PABPC4L: variants seen among roughly 807,000 people sequenced by gnomAD.
PABPC4L encodes the protein polyadenylate-binding protein 4-like.
For synonymous variants in PABPC4L, 169 were observed against 164.1 expected, an observed-to-expected ratio of 1.03 and a Z score of -0.23; for missense variants, 452 against 451.4, an observed-to-expected ratio of 1.00 and a Z score of -0.01.
chr4:134,097,915 T>A, the PABPC4L span, among the ~76,000 whole-genome samples: 2 of 151,884 alleles, frequency 1.3e-5, no homozygotes, highest in Non-Finnish European at 2.9e-5. Context: ...TGCGGTTTTG[T>A]CATTAGAAAT....
the PABPC4L span, among the ~76,000 whole-genome samples, chr4:134,004,420 G>T: frequency 1.3e-5 from 2 of 151,856 alleles, no homozygotes; most frequent in East Asian, 3.9e-4. Context: ...TCAGGGAAAT[G>T]CATATTAAAA....
the PABPC4L span, among the ~76,000 whole-genome samples, chr4:133,993,605 G>A: frequency 6.6e-6 from 1 of 152,170 alleles, no homozygotes; most frequent in Non-Finnish European, 1.5e-5. Context: ...GTTAATACCT[G>A]TTGAAGGAGG....
the PABPC4L span, among the ~76,000 whole-genome samples, chr4:133,995,234 TC>T: frequency 6.6e-6 from 1 of 152,314 alleles, no homozygotes; most frequent in African/African-American, 2.4e-5. Context: ...GGGGTTCTTT[TC>T]CCACGTTACC....
the PABPC4L span, among the ~76,000 whole-genome samples, chr4:134,041,566 G>A: frequency 1.3e-5 from 2 of 151,962 alleles, no homozygotes; most frequent in Non-Finnish European, 2.9e-5. Flanking sequence ...ATCACACACT[G>A]GGGCCTGTCA....
At chr4:133,977,849 A>G in the PABPC4L span, 2 of 152,196 alleles carry the variant, frequency 1.3e-5, no homozygotes, top group Non-Finnish European at 2.9e-5. Context: ...ATTCCCAGGT[A>G]CATGGTATGG....
the PABPC4L span, among the ~76,000 whole-genome samples, chr4:134,108,621 T>G: frequency 4.0e-5 from 6 of 151,856 alleles, no homozygotes; most frequent in African/African-American, 1.2e-4. Context: ...TCTTGAATCT[T>G]GATTTTTACA....
chr4:134,057,179 CCTCT>C, the PABPC4L span, among the ~76,000 whole-genome samples: 1 of 152,008 alleles, frequency 6.6e-6, no homozygotes, highest in South Asian at 2.1e-4. Flanking sequence ...TTCTCCTCTC[CCTCT>C]GTGACTCCAG....
the PABPC4L span, among the ~76,000 whole-genome samples, chr4:134,165,357 T>C: frequency 6.6e-6 from 1 of 151,972 alleles, no homozygotes; most frequent in African/African-American, 2.4e-5. Flanking sequence ...ACCCACAGAA[T>C]GGGAGAAAAT....
At chr4:134,111,343 T>C in the PABPC4L span, among the ~76,000 whole-genome samples, 1 of 152,012 alleles carries the variant, frequency 6.6e-6, no homozygotes, top group Non-Finnish European at 1.5e-5. Context: ...ATTTTTCAAA[T>C]GAATTTTGGA....
At chr4:134,124,456 C>G in the PABPC4L span, among the ~76,000 whole-genome samples, 1 of 152,100 alleles carries the variant, frequency 6.6e-6, no homozygotes, top group African/African-American at 2.4e-5. Flanking sequence ...TAACACTTCT[C>G]TTTTCATAAA....
In PABPC4L at chr4:134,200,512, C is replaced by A; in HGVS notation, c.508G>T (p.Gly170Cys). The A allele has an allele frequency of 1.3e-6, 2 of 1,551,592 alleles. No individual in the cohort carries two copies. The highest frequency in any genetic ancestry group is 1.7e-6 in the Non-Finnish European group (2 of 1,146,984). The change falls in exon 2 of 2, where the codon GGC becomes TGC. Residue 170 changes from glycine (G) to cysteine (C), a missense_variant. Transcript: ENST00000421491. Reference protein sequence around the residue: ...KLLKGCKVFVGRFKNRKDREA... With the variant: ...KLLKGCKVFVCRFKNRKDREA... ...CGATCTTTTCGGTTTTTGAATCTGC[C>A]AACAAACACCTTGCAGCCCTTGAGT...
chr4:134,154,359 G>T, the PABPC4L span, among the ~76,000 whole-genome samples: 1 of 152,076 alleles, frequency 6.6e-6, no homozygotes, highest in African/African-American at 2.4e-5. Context: ...GGGAGGCTGA[G>T]GCACGAGAAT....
chr4:134,180,277 T>G, the PABPC4L span, among the ~76,000 whole-genome samples: 1 of 152,166 alleles, frequency 6.6e-6, no homozygotes, highest in Non-Finnish European at 1.5e-5. Flanking sequence ...AAAACTTGGC[T>G]TTTGAATGAC....
chr4:134,176,044 G>A, the PABPC4L span, among the ~76,000 whole-genome samples: 1 of 152,126 alleles, frequency 6.6e-6, no homozygotes, highest in African/African-American at 2.4e-5. Context: ...TATACATAAT[G>A]AATGGTGACC....
chr4:134,092,828 G>T, the PABPC4L span, among the ~76,000 whole-genome samples: 21 of 152,040 alleles, frequency 1.4e-4, 1 homozygote, highest in East Asian at 1.6e-3. Flanking sequence ...GAACACTCCC[G>T]CCTCATTTGG....
the PABPC4L span, among the ~76,000 whole-genome samples, chr4:134,144,602 A>G: frequency 6.7e-6 from 1 of 150,264 alleles, no homozygotes; most frequent in Non-Finnish European, 1.5e-5. Flanking sequence ...AAAACAGTTC[A>G]GTCTTTTTAT....
At chr4:134,135,070 G>T in the PABPC4L span, among the ~76,000 whole-genome samples, 1 of 152,146 alleles carries the variant, frequency 6.6e-6, no homozygotes, top group African/African-American at 2.4e-5. Context: ...TAAAATGTTT[G>T]CAAAAAGGGA....
rs1578882947 is a variant in PABPC4L, at chr4:134,198,414, T to C, written c.*1493A>G. The C allele has an allele frequency of 6.6e-6, 1 of 151,660 alleles. No homozygotes were observed. Among genetic ancestry groups the C allele is most frequent in the Non-Finnish European group, 1.5e-5 (1 of 67,700 alleles). The allele number at this position is 151,660 out of a possible 1,614,324, so 9.4% of individuals were successfully genotyped here. A position where few individuals can be genotyped will look rare whatever the true frequency, so the allele number is the denominator to read the frequency against. On this transcript the variant is annotated 3_prime_UTR_variant, in exon 2 of 2. Coordinates refer to ENST00000421491, the MANE Select transcript of PABPC4L (RefSeq NM_001114734.2). ...AATGTGCAAAGAATATACATATAAT[T>C]TCTATAAAAATAAAAGGCAACAAAT...
chr4:134,166,670 T>C, the PABPC4L span, among the ~76,000 whole-genome samples: 1 of 152,276 alleles, frequency 6.6e-6, no homozygotes, highest in Admixed American at 6.5e-5. Context: ...AACAGAGGCA[T>C]GTGGAAAGAA....
Sources: gnomAD v4.1 joint callset for allele counts (sites outside exome capture counted in the v4.1 genomes callset) on GRCh38, gnomAD v4.1.1 for gene constraint, MANE v1.5 for transcripts, NCBI Gene and HGNC (gene_info 2026-07-23, HGNC 2026-07-21) for gene names.